TMTC4: variants seen among roughly 807,000 people sequenced by gnomAD.
The protein encoded by TMTC4 is protein O-mannosyl-transferase TMTC4.
Under a neutral mutation model 86.0 loss-of-function variants are expected in TMTC4, and 65 were observed. The observed-to-expected ratio is 0.76, with a 90% CI of 0.62 to 0.93. The LOEUF (loss-of-function observed/expected upper bound fraction) is 0.93. Among genes scored for constraint, TMTC4 ranks in the 40% least tolerant of loss-of-function variants. The pLI is 0.00. For synonymous variants in TMTC4, 379 were observed against 382.5 expected (o/e 0.99, Z 0.11); for missense variants, 866 against 948.1 (o/e 0.91, Z 1.14).
At chr13:100,652,407 A>C (rs1346593228) in intron 6 of TMTC4, among the ~76,000 whole-genome samples, 1 of 152,174 alleles carries the variant, frequency 6.6e-6, no homozygotes, top group East Asian at 1.9e-4. Flanking sequence ...TGAACCTGGG[A>C]GGCAGAGGTT....
In TMTC4 at chr13:100,656,398, C is replaced by G; in HGVS notation, c.623G>C (p.Cys208Ser). The change falls in exon 6 of 19, where the codon TGT (cysteine) becomes TCT (serine). Residue 208 changes from cysteine to serine, a missense_variant. Coordinates refer to ENST00000342624, the MANE Select transcript of TMTC4 (RefSeq NM_032813.5). Reference protein sequence around the residue: ...LFFLLSFLGYCKAFRESNKEG... With the variant: ...LFFLLSFLGYSKAFRESNKEG... Reference sequence around the variant, plus strand: ...ATGCTTACTTTCTCTAAATGCTTTACAGTAGCCAAGGAAAGATAACAAGAA... The same window carrying G: ...ATGCTTACTTTCTCTAAATGCTTTAGAGTAGCCAAGGAAAGATAACAAGAA... The G allele has an allele frequency of 6.2e-7, 1 of 1,613,116 alleles. No individual in the cohort carries two copies. The highest frequency in any genetic ancestry group is 8.5e-7 in the Non-Finnish European group (1 of 1,179,686).
chr13:100,674,263 G>A (rs1187138478), intron 1 of TMTC4: 6 of 979,600 alleles, frequency 6.1e-6, no homozygotes, highest in Non-Finnish European at 7.3e-6. Flanking sequence ...GGGAGCCGCC[G>A]CGGAACCCAG....
Position 100,605,205 on chromosome 13 carries a change from C to A in TMTC4, c.2135-63G>T. ...CTGAGTAACGTGCCGTATTCCTACC[C>A]TCTTGGACAAAGAAATATTACAGAT... On this transcript the variant is annotated intron_variant, in intron 18 of 18. Transcript: ENST00000342624. This position sits in a 1 kb window ranked among gnomAD's most constrained non-coding sequence, Gnocchi z 4.3. 6.5e-7 allele frequency: 1 copy of A among 1,528,660 alleles called. No individual in the cohort carries two copies. Among genetic ancestry groups the A allele is most frequent in the Non-Finnish European group, 8.8e-7 (1 of 1,136,006 alleles). 94.7% of individuals were successfully genotyped at this position (1,528,660 alleles called of 1,614,324 possible).
Position 100,670,509 on chromosome 13 carries a change from T to A in TMTC4, c.-147A>T. ...ATGCTCTCAGCAAGTGCTGGGGGAA[T>A]ACTGCAGCTACTTTTCTTTTCCAGT... is the stretch of plus-strand genomic sequence containing the variant. On this transcript the variant is annotated 5_prime_UTR_variant, in exon 2 of 19. Coordinates refer to ENST00000342624, the MANE Select transcript of TMTC4 (RefSeq NM_032813.5). 1.5e-6 allele frequency: 1 copy of A among 657,288 alleles called. No homozygotes were observed. Among genetic ancestry groups the A allele is most frequent in the Non-Finnish European group, 2.4e-6 (1 of 411,652 alleles). 40.7% of individuals were successfully genotyped at this position (657,288 alleles called of 1,614,324 possible).
intron 5 of TMTC4, among the ~76,000 whole-genome samples, chr13:100,662,001 G>A (rs949375086): frequency 1.2e-4 from 18 of 152,196 alleles, no homozygotes; most frequent in African/African-American, 2.9e-4. Flanking sequence ...TCCACATGGT[G>A]GTGCAGGGGG....
At chr13:100,673,829 G>A (rs566478278) in intron 1 of TMTC4, among the ~76,000 whole-genome samples, 18 of 152,278 alleles carry the variant, frequency 1.2e-4, no homozygotes, top group African/African-American at 3.6e-4. Context: ...CATCTGGGGC[G>A]CGCCCGGCGC....
rs753094816 is a variant in TMTC4 at position 100,605,128 on chromosome 13, G to T, written c.2149C>A (p.Arg717Ser). ...YHGNLAVLYH[R>S]WGHLDLAKKH... Reference sequence around the variant, plus strand: ...TTGGCCAAGTCTAGATGTCCCCAACGATGATAAAGCACAGCTGAAATAGCA... The same window carrying T: ...TTGGCCAAGTCTAGATGTCCCCAACTATGATAAAGCACAGCTGAAATAGCA... The change falls in exon 19 of 19, where the codon CGT becomes AGT. Residue 717 changes from arginine (R) to serine (S), a missense_variant. Physicochemically the swap from Arg to Ser is moderately radical, Grantham distance 110. Transcript: ENST00000342624. This position sits in a 1 kb window ranked among gnomAD's most constrained non-coding sequence, Gnocchi z 4.3. The T allele has an allele frequency of 6.2e-7, 1 of 1,611,340 alleles. No homozygotes were observed. Among genetic ancestry groups the T allele is most frequent in the South Asian group, 1.1e-5 (1 of 90,472 alleles).
intron 15 of TMTC4, chr13:100,623,924 G>T: frequency 2.0e-6 from 1 of 489,750 alleles, no homozygotes; most frequent in South Asian, 1.5e-5. Flanking sequence ...GGTCTTCCTT[G>T]GTGCCTAAAG....
At chr13:100,655,408 C>T (rs921104478) in intron 6 of TMTC4, among the ~76,000 whole-genome samples, 4 of 152,136 alleles carry the variant, frequency 2.6e-5, no homozygotes, top group Non-Finnish European at 4.4e-5. Flanking sequence ...GATTTAATTG[C>T]CAACTTTTGA....
Position 100,605,157 on chromosome 13 carries a change from G to A in TMTC4, c.2135-15C>T. On this transcript the variant is annotated splice_polypyrimidine_tract_variant and intron_variant, in intron 18 of 18. Transcript: ENST00000342624. This position sits in a 1 kb window ranked among gnomAD's most constrained non-coding sequence, Gnocchi z 4.3. The stretch of plus-strand genomic sequence containing the variant: ...ATAAAGCACAGCTGAAATAGCAGGA[G>A]ATAAATTTCACTGGGAATGCTTCTG... The A allele has an allele frequency of 1.9e-6, 3 of 1,606,330 alleles. No individual in the cohort carries two copies. The highest frequency in any genetic ancestry group is 2.5e-6 in the Non-Finnish European group (3 of 1,176,680).
chr13:100,668,038 C>G (rs780217672), intron 3 of TMTC4, among the ~76,000 whole-genome samples: 3 of 152,168 alleles, frequency 2.0e-5, no homozygotes, highest in Non-Finnish European at 4.4e-5. Flanking sequence ...AAACACGAAA[C>G]AAGCAGGAAC....
chr13:100,655,022 T>G (rs1466531176), intron 6 of TMTC4, among the ~76,000 whole-genome samples: 2 of 148,874 alleles, frequency 1.3e-5, no homozygotes, highest in Non-Finnish European at 3.0e-5. Flanking sequence ...GCCTATTTTT[T>G]TTTTTTTTTT....
chr13:100,646,119 A>G (rs1230332305), intron 6 of TMTC4, among the ~76,000 whole-genome samples: 2 of 152,094 alleles, frequency 1.3e-5, no homozygotes, highest in Non-Finnish European at 2.9e-5. Context: ...TCAGAAATTG[A>G]GGATGGGAAC....
chr13:100,647,496 C>T (rs1166087615), intron 6 of TMTC4, among the ~76,000 whole-genome samples: 1 of 152,044 alleles, frequency 6.6e-6, no homozygotes, highest in African/African-American at 2.4e-5. Flanking sequence ...TGTGTTGGTA[C>T]TTCTCAACTA....
chr13:100,656,282 A>G (rs1594353254), intron 6 of TMTC4, 99 bp downstream of exon 6: 1 of 989,852 alleles, frequency 1.0e-6, no homozygotes, highest in East Asian at 2.5e-5. Context: ...AGAGTGACAC[A>G]CTCACATAGA....
intron 7 of TMTC4, 108 bp downstream of exon 7, chr13:100,642,103 G>T: frequency 9.0e-7 from 1 of 1,109,802 alleles, no homozygotes; most frequent in Non-Finnish European, 1.3e-6. Context: ...CCAGCAATGG[G>T]ATGTAGGCGT....
At chr13:100,657,524 A>C (rs1277078734) in intron 5 of TMTC4, among the ~76,000 whole-genome samples, 1 of 71,970 alleles carries the variant, frequency 1.4e-5, no homozygotes, top group Non-Finnish European at 3.6e-5. Flanking sequence ...TTGTTCTCCC[A>C]ATGTTGTACG....
At chr13:100,612,600 A>T in intron 16 of TMTC4, 90 bp from the exon 17 acceptor site, 6 of 858,940 alleles carry the variant, frequency 7.0e-6, no homozygotes, top group Non-Finnish European at 1.1e-5. Context: ...TTATGTGCAC[A>T]GCACATGACA....
At chr13:100,628,193 C>T (rs1204022737) in intron 12 of TMTC4, among the ~76,000 whole-genome samples, 1 of 152,194 alleles carries the variant, frequency 6.6e-6, no homozygotes, top group Non-Finnish European at 1.5e-5. Flanking sequence ...ATCTGAAACT[C>T]TGTACCCATT....
Sources: gnomAD v4.1 joint callset for allele counts (sites outside exome capture counted in the v4.1 genomes callset) on GRCh38, gnomAD v4.1.1 for gene constraint, Gnocchi (gnomAD v3.1) non-coding constraint, MANE v1.5 for transcripts, NCBI Gene and HGNC (gene_info 2026-07-23, HGNC 2026-07-21) for gene names.